The following GAREM1 variants were observed in gnomAD, a reference collection of about 807,000 sequenced individuals.
GAREM1 encodes the protein GRB2-associated and regulator of MAPK protein 1.
GAREM1 carries 26 observed loss-of-function variants against 71.3 expected under a neutral mutation model. The ratio of observed to expected loss-of-function variants is 0.36; its 90% CI spans 0.27 to 0.51. The LOEUF is 0.51. Among genes scored for constraint, GAREM1 ranks in the 20% least tolerant of loss-of-function variants. The probability of loss-of-function intolerance (pLI) is 0.95; values close to 1 mark genes in which losing one functional copy is unlikely to be tolerated. For missense variants in GAREM1, 1,026 were observed against 1,103.1 expected (o/e 0.93, Z 0.99); for synonymous variants, 440 against 433.2 (o/e 1.02, Z -0.20).
chr18:32,347,827 C>A (rs2047710959), intron 2 of GAREM1, among the ~76,000 whole-genome samples: 1 of 152,122 alleles, frequency 6.6e-6, no homozygotes, highest in African/African-American at 2.4e-5. Context: ...GCTTAGTAGA[C>A]CATCTTGTAT....
intron 1 of GAREM1, among the ~76,000 whole-genome samples, chr18:32,453,043 T>C (rs968471219): frequency 6.6e-6 from 1 of 152,060 alleles, no homozygotes; most frequent in African/African-American, 2.4e-5. Context: ...GGGTAATTTA[T>C]AATGAAAAAG....
intron 1 of GAREM1, among the ~76,000 whole-genome samples, chr18:32,425,048 C>T (rs1381288748): frequency 6.6e-6 from 1 of 152,140 alleles, no homozygotes; most frequent in Non-Finnish European, 1.5e-5. Flanking sequence ...AGTAAAGGGT[C>T]AACCAAATGA....
chr18:32,294,250 C>T (rs2047116789), intron 3 of GAREM1, among the ~76,000 whole-genome samples: 1 of 152,166 alleles, frequency 6.6e-6, no homozygotes, highest in African/African-American at 2.4e-5. Flanking sequence ...ATTCAATTCA[C>T]CCTCACATGA....
chr18:32,300,627 C>T (rs1186495908), intron 3 of GAREM1, among the ~76,000 whole-genome samples: 2 of 152,094 alleles, frequency 1.3e-5, no homozygotes, highest in African/African-American at 2.4e-5. Flanking sequence ...GTAACATAGG[C>T]GGGGCGCAGT....
chr18:32,359,009 A>G (rs781103611), intron 2 of GAREM1, among the ~76,000 whole-genome samples: 1 of 152,190 alleles, frequency 6.6e-6, no homozygotes, highest in Non-Finnish European at 1.5e-5. Context: ...CACTGGAAGA[A>G]CCCGTCAGCC....
chr18:32,445,614 G>A (rs755063133), intron 1 of GAREM1, among the ~76,000 whole-genome samples: 26 of 152,108 alleles, frequency 1.7e-4, no homozygotes, highest in Non-Finnish European at 2.4e-4. Flanking sequence ...GTCTTCTGAC[G>A]AAAGATAATC....
At chr18:32,363,995 CATAT>C (rs766095412) in intron 2 of GAREM1, among the ~76,000 whole-genome samples, 378 of 21,276 alleles carry the variant, frequency 0.018, 4 homozygotes, top group African/African-American at 0.039. Context: ...TACATATATA[CATAT>C]ATATATATAT....
chr18:32,459,007 T>C (rs1030419988), intron 1 of GAREM1, among the ~76,000 whole-genome samples: 8 of 152,040 alleles, frequency 5.3e-5, no homozygotes, highest in African/African-American at 1.9e-4. Flanking sequence ...AAACAACTAA[T>C]GTCTCGCAAC....
At chr18:32,404,438 A>G (rs1292442288) in intron 1 of GAREM1, among the ~76,000 whole-genome samples, 1 of 149,132 alleles carries the variant, frequency 6.7e-6, no homozygotes, top group East Asian at 1.9e-4. Flanking sequence ...GTTTCTTTCC[A>G]TTCTTATGTT....
chr18:32,359,388 C>T (rs1373822893), intron 2 of GAREM1, among the ~76,000 whole-genome samples: 1 of 152,126 alleles, frequency 6.6e-6, no homozygotes, highest in African/African-American at 2.4e-5. Flanking sequence ...ACTCACACTC[C>T]ACATTCTCCC....
intron 2 of GAREM1, among the ~76,000 whole-genome samples, chr18:32,312,953 G>A (rs2047338398): frequency 6.6e-6 from 1 of 152,202 alleles, no homozygotes; most frequent in Non-Finnish European, 1.5e-5. Flanking sequence ...GTTGAGAGAG[G>A]AGTTGTTAGA....
intron 2 of GAREM1, among the ~76,000 whole-genome samples, chr18:32,323,567 A>G (rs1598960919): frequency 6.6e-6 from 1 of 152,186 alleles, no homozygotes; most frequent in East Asian, 1.9e-4. Context: ...AACTTAGCCA[A>G]GTGTAGTGGT....
intron 1 of GAREM1, among the ~76,000 whole-genome samples, chr18:32,447,287 T>A (rs1413007528): frequency 2.0e-5 from 3 of 152,202 alleles, no homozygotes; most frequent in African/African-American, 7.2e-5. Flanking sequence ...TGGAATTTAA[T>A]ATATATACCT....
intron 2 of GAREM1, among the ~76,000 whole-genome samples, chr18:32,331,000 C>T (rs982491676): frequency 6.6e-6 from 1 of 152,174 alleles, no homozygotes; most frequent in Non-Finnish European, 1.5e-5. Context: ...TACATCCTAA[C>T]CTCACAACCA....
chr18:32,325,696 G>A (rs1019388839), intron 2 of GAREM1, among the ~76,000 whole-genome samples: 1 of 152,132 alleles, frequency 6.6e-6, no homozygotes, highest in African/African-American at 2.4e-5. Context: ...ACTGATGATC[G>A]TTTTGCTCCC....
intron 1 of GAREM1, among the ~76,000 whole-genome samples, chr18:32,464,770 A>ATC (rs35099803): frequency 0.36 from 54,291 of 151,882 alleles, 10,050 homozygotes; most frequent in African/African-American, 0.43. Flanking sequence ...ACTGATCCGT[A>ATC]TCTACTACAG....
rs1404970949 is a variant in GAREM1 at position 32,266,185 on chromosome 18, T to C, written c.*1686A>G. 1 of 152,200 alleles carries C rather than the reference T, an allele frequency of 6.6e-6. No individual in the cohort carries two copies. 9.4% of individuals were successfully genotyped at this position (152,200 alleles called of 1,614,324 possible). ...AAATTGGGTATCAATTCACTTCAAC[T>C]CTAAAACCACGATATGGATTAAAAA... On this transcript the variant is annotated 3_prime_UTR_variant, in exon 6 of 6. Coordinates refer to ENST00000269209, the MANE Select transcript of GAREM1 (RefSeq NM_001242409.2).
chr18:32,438,198 A>G (rs764214982), intron 1 of GAREM1, among the ~76,000 whole-genome samples: 6 of 152,232 alleles, frequency 3.9e-5, no homozygotes, highest in Non-Finnish European at 7.3e-5. Context: ...CCTACGATAT[A>G]CAACTAAATA....
chr18:32,381,340 G>A (rs1369178485), intron 2 of GAREM1, among the ~76,000 whole-genome samples: 4 of 151,876 alleles, frequency 2.6e-5, no homozygotes, highest in African/African-American at 7.3e-5. Flanking sequence ...TTTCTTATTA[G>A]GAAGAACCTG....
Sources: gnomAD v4.1 joint callset for allele counts (sites outside exome capture counted in the v4.1 genomes callset) on GRCh38, gnomAD v4.1.1 for gene constraint, MANE v1.5 for transcripts, NCBI Gene and HGNC (gene_info 2026-07-23, HGNC 2026-07-21) for gene names.